Variants in TXNDC12 observed in about 807,000 individuals in gnomAD.
TXNDC12 encodes the protein thioredoxin domain-containing protein 12.
In TXNDC12, 22 loss-of-function variants were observed where a neutral mutation model predicts 24.2. The observed-to-expected ratio is 0.91, with a 90% CI of 0.65 to 1.30. The LOEUF (loss-of-function observed/expected upper bound fraction) is 1.30, where lower values mean the gene tolerates loss of function less well. TXNDC12 is among the 50% of genes most tolerant of loss of function. The probability of loss-of-function intolerance (pLI) is 0.00; values close to 1 mark genes in which losing one functional copy is unlikely to be tolerated. For missense variants in TXNDC12, 184 were observed against 205.8 expected (o/e 0.89, Z 0.65); for synonymous variants, 58 against 73.4 (o/e 0.79, Z 1.07).
At chr1:52,032,883 G>A (rs1220138863) in intron 2 of TXNDC12, 1 of 1,613,936 alleles carries the variant, frequency 6.2e-7, no homozygotes, top group Non-Finnish European at 8.5e-7. Context: ...AGTCCCCGGG[G>A]ACAGCGCTCT....
chr1:52,040,324 A>G (rs1256794267), intron 2 of TXNDC12, among the ~76,000 whole-genome samples: 2 of 152,098 alleles, frequency 1.3e-5, no homozygotes, highest in East Asian at 3.9e-4. Flanking sequence ...CCCAGGCTCA[A>G]TTGATCCTCC....
At chr1:52,032,791 T>TGGCGACGAA (rs1685790501) in intron 2 of TXNDC12, 2 of 1,614,074 alleles carry the variant, frequency 1.2e-6, no homozygotes, top group Non-Finnish European at 1.7e-6. Context: ...CGAAATAAAC[T>TGGCGACGAA]GGCGACGAAG....
chr1:52,022,733 C>T (rs183309022), intron 6 of TXNDC12, among the ~76,000 whole-genome samples: 3 of 149,846 alleles, frequency 2.0e-5, no homozygotes, highest in South Asian at 2.1e-4. Flanking sequence ...CTCTGCCTCT[C>T]GGGTTCACGC....
intron 6 of TXNDC12, among the ~76,000 whole-genome samples, chr1:52,022,643 T>G (rs1368906536): frequency 3.4e-5 from 5 of 145,158 alleles, no homozygotes; most frequent in Admixed American, 6.9e-5. Flanking sequence ...TGGTTTTTTT[T>G]TTTTTTTTTT....
intron 2 of TXNDC12, among the ~76,000 whole-genome samples, chr1:52,034,812 G>C (rs142832811): frequency 0.012 from 1,896 of 152,032 alleles, 38 homozygotes; most frequent in African/African-American, 0.044. Flanking sequence ...CACCCAGCCT[G>C]GACCACAGTG....
At chr1:52,023,203 T>G (rs1685626141) in intron 6 of TXNDC12, 1 of 310,144 alleles carries the variant, frequency 3.2e-6, no homozygotes, top group Non-Finnish European at 6.0e-6. Context: ...AGTTCTGGAC[T>G]CAAATTCTGG....
intron 1 of TXNDC12, among the ~76,000 whole-genome samples, chr1:52,051,376 TA>T (rs1686197933): frequency 6.6e-6 from 1 of 151,402 alleles, no homozygotes; most frequent in African/African-American, 2.4e-5. Flanking sequence ...CCTCCTAATT[TA>T]TTTATTTATT....
At chr1:52,034,344 G>A (rs768627600) in intron 2 of TXNDC12, among the ~76,000 whole-genome samples, 2 of 152,090 alleles carry the variant, frequency 1.3e-5, no homozygotes, top group Non-Finnish European at 2.9e-5. Context: ...AAGAACAGAA[G>A]GGAAAAACAA....
At chr1:52,044,008 T>G (rs78776893) in intron 1 of TXNDC12, 1 of 152,176 alleles carries the variant, frequency 6.6e-6, no homozygotes, top group Non-Finnish European at 1.5e-5. Context: ...GAGTGAGTGA[T>G]TGAGAATGAA....
intron 1 of TXNDC12, among the ~76,000 whole-genome samples, chr1:52,054,216 G>GAA (rs11424215): frequency 1.9e-4 from 27 of 143,614 alleles, no homozygotes; most frequent in Non-Finnish European, 2.6e-4. Context: ...TAAGGTCAGT[G>GAA]AAAAAAAAAA....
intron 1 of TXNDC12, among the ~76,000 whole-genome samples, chr1:52,049,894 A>C (rs546195607): frequency 6.6e-6 from 1 of 152,352 alleles, no homozygotes; most frequent in African/African-American, 2.4e-5. Context: ...TGACTAACAC[A>C]TGAAATTTAT....
intron 1 of TXNDC12, among the ~76,000 whole-genome samples, chr1:52,048,769 A>C (rs1343462167): frequency 6.6e-6 from 1 of 152,072 alleles, no homozygotes; most frequent in East Asian, 1.9e-4. Flanking sequence ...AGGTGGGAGA[A>C]TCGCTTAAAC....
intron 1 of TXNDC12, among the ~76,000 whole-genome samples, chr1:52,047,315 G>T (rs868463090): frequency 1.3e-5 from 2 of 152,160 alleles, no homozygotes; most frequent in East Asian, 3.9e-4. Flanking sequence ...GGCCTCTTCC[G>T]ATTCCTTCTG....
intron 3 of TXNDC12, 66 bp from the exon 4 acceptor site, chr1:52,027,414 A>G (rs548047907): frequency 6.7e-5 from 79 of 1,183,098 alleles, no homozygotes; most frequent in Non-Finnish European, 9.4e-5. Flanking sequence ...CTTAACGAAC[A>G]TAAGCATCAC....
intron 6 of TXNDC12, among the ~76,000 whole-genome samples, chr1:52,022,099 T>C (rs1306014305): frequency 9.2e-5 from 14 of 152,194 alleles, no homozygotes; most frequent in Admixed American, 9.2e-4. Flanking sequence ...TTAAGGAACA[T>C]GACATTCTCC....
At chr1:52,023,954 C>A (rs12567314) in intron 5 of TXNDC12, among the ~76,000 whole-genome samples, 2 of 151,420 alleles carry the variant, frequency 1.3e-5, no homozygotes, top group African/African-American at 4.9e-5. Flanking sequence ...ATGGCTGATG[C>A]GCAAATGGCT....
At chr1:52,033,424 G>A (rs1431525312) in intron 2 of TXNDC12, 5 of 1,451,340 alleles carry the variant, frequency 3.4e-6, no homozygotes, top group East Asian at 2.2e-5. Context: ...TCCCGCGATC[G>A]GGCCGCCGGG....
chr1:52,049,806 A>G (rs1686165464), intron 1 of TXNDC12, among the ~76,000 whole-genome samples: 2 of 151,888 alleles, frequency 1.3e-5, no homozygotes, highest in Admixed American at 1.3e-4. Context: ...CCAAACTGCT[A>G]GGATTATAGG....
At chr1:52,048,533 A>G (rs527890640) in intron 1 of TXNDC12, among the ~76,000 whole-genome samples, 1 of 152,114 alleles carries the variant, frequency 6.6e-6, no homozygotes, top group Admixed American at 6.6e-5. Context: ...CCAATGCCAA[A>G]CAAGATAGAG....
Sources: gnomAD v4.1 joint callset for allele counts (sites outside exome capture counted in the v4.1 genomes callset) on GRCh38, gnomAD v4.1.1 for gene constraint, MANE v1.5 for transcripts, NCBI Gene and HGNC (gene_info 2026-07-23, HGNC 2026-07-21) for gene names.